BCL2L1: variants seen among roughly 807,000 people sequenced by gnomAD.
BCL2L1 encodes the protein bcl-2-like protein 1.
In BCL2L1, 1 loss-of-function variant was observed where a neutral mutation model predicts 18.7. The ratio of observed to expected loss-of-function variants is 0.05; its 90% CI spans 0.02 to 0.25. The LOEUF (loss-of-function observed/expected upper bound fraction) is 0.25. BCL2L1 is among the 10% of genes least tolerant of loss of function. The pLI, the probability that BCL2L1 is intolerant of heterozygous loss-of-function variation, is 1.00. For synonymous variants in BCL2L1, 103 were observed against 122.7 expected, an observed-to-expected ratio of 0.84 and a Z score of 1.06; for missense variants, 207 against 304.9, an observed-to-expected ratio of 0.68 and a Z score of 2.39.
chr20:31,719,208 C>G (rs568040693), intron 2 of BCL2L1, among the ~76,000 whole-genome samples: 1 of 152,332 alleles, frequency 6.6e-6, no homozygotes, highest in African/African-American at 2.4e-5. Flanking sequence ...TCAAGAAACA[C>G]TGGTTGCATA....
chr20:31,687,145 T>C (rs951755036), intron 2 of BCL2L1, among the ~76,000 whole-genome samples: 3 of 151,972 alleles, frequency 2.0e-5, no homozygotes, highest in African/African-American at 4.8e-5. Context: ...CAACAAGACC[T>C]CCATCTCTAC....
At chr20:31,706,021 C>T (rs2061363910) in intron 2 of BCL2L1, among the ~76,000 whole-genome samples, 1 of 152,110 alleles carries the variant, frequency 6.6e-6, no homozygotes, top group Non-Finnish European at 1.5e-5. Context: ...CCTGGGACTT[C>T]CCTGACATGG....
At chr20:31,700,210 G>T (rs1417174916) in intron 2 of BCL2L1, among the ~76,000 whole-genome samples, 1 of 152,200 alleles carries the variant, frequency 6.6e-6, no homozygotes, top group Non-Finnish European at 1.5e-5. Context: ...CATAGTTGGT[G>T]CTCAATAAAC....
At chr20:31,692,993 C>A (rs2061103809) in intron 2 of BCL2L1, among the ~76,000 whole-genome samples, 1 of 149,940 alleles carries the variant, frequency 6.7e-6, no homozygotes, top group Non-Finnish European at 1.5e-5. Context: ...ACCGCTTGAA[C>A]CCAGGAGGCG....
intron 2 of BCL2L1, 136 bp downstream of exon 2, chr20:31,721,519 G>A: frequency 9.6e-7 from 1 of 1,041,966 alleles, no homozygotes; most frequent in Non-Finnish European, 1.4e-6. Context: ...GGTGAAATGA[G>A]GCCAGTCAGG....
Position 31,665,924 on chromosome 20 carries a change from G to T in BCL2L1, c.*25C>A. 6.2e-7 allele frequency: 1 copy of T among 1,610,744 alleles called. No homozygotes were observed. The highest frequency in any genetic ancestry group is 8.5e-7 in the Non-Finnish European group (1 of 1,178,718). On this transcript the variant is annotated 3_prime_UTR_variant, in exon 3 of 3. Coordinates refer to ENST00000307677, the MANE Select transcript of BCL2L1 (RefSeq NM_138578.3). ...GGTGGAGCAGAGAAGGGGGTGGGAGGGTAGAGTGGATGGTCAGTGTCTGGT... is the reference window on the plus strand; with the variant it reads ...GGTGGAGCAGAGAAGGGGGTGGGAGTGTAGAGTGGATGGTCAGTGTCTGGT...
chr20:31,687,609 G>A (rs1213638757), intron 2 of BCL2L1, among the ~76,000 whole-genome samples: 2 of 150,524 alleles, frequency 1.3e-5, no homozygotes, highest in Non-Finnish European at 3.0e-5. Context: ...CCCGGGAGTC[G>A]GAGGTTGCAG....
At chr20:31,721,476 G>A in intron 2 of BCL2L1, 179 bp downstream of exon 2, 1 of 702,172 alleles carries the variant, frequency 1.4e-6, no homozygotes, top group Non-Finnish European at 2.3e-6. Flanking sequence ...GAAGCACAGG[G>A]TCATTTGTAT....
intron 2 of BCL2L1, among the ~76,000 whole-genome samples, chr20:31,700,404 C>T (rs1232607500): frequency 1.3e-5 from 2 of 152,178 alleles, no homozygotes; most frequent in African/African-American, 4.8e-5. Flanking sequence ...TCCCTGGGCA[C>T]GACCTATCTA....
intron 2 of BCL2L1, among the ~76,000 whole-genome samples, chr20:31,671,705 C>A (rs538162772): frequency 6.6e-6 from 1 of 151,850 alleles, no homozygotes; most frequent in African/African-American, 2.4e-5. Context: ...CCTCCAATGG[C>A]GTGAAGTGAA....
intron 2 of BCL2L1, among the ~76,000 whole-genome samples, chr20:31,687,676 CAAAA>C (rs60094670): frequency 6.1e-5 from 5 of 81,496 alleles, no homozygotes; most frequent in Non-Finnish European, 5.1e-5. Context: ...GACTCTGTCT[CAAAA>C]AAAAAAAAAA....
intron 2 of BCL2L1, among the ~76,000 whole-genome samples, chr20:31,679,702 C>T (rs1328552641): frequency 1.3e-5 from 2 of 152,204 alleles, no homozygotes; most frequent in African/African-American, 2.4e-5. Context: ...CTGTCTCTGT[C>T]GCCCAGGCTG....
intron 2 of BCL2L1, among the ~76,000 whole-genome samples, chr20:31,689,791 G>A (rs1040710813): frequency 7.7e-4 from 118 of 152,338 alleles, no homozygotes; most frequent in African/African-American, 2.7e-3. Context: ...TGAGGCGGGC[G>A]GATCACTTGA....
Position 31,695,333 on chromosome 20 carries a change from C to T in BCL2L1, c.564+26322G>A, listed in dbSNP as rs146784523. On this transcript the variant is annotated intron_variant, in intron 2 of 2. Transcript: ENST00000307677. ...TTTCCACTGCCCTTAAAGCAAGGTC[C>T]CATGTGGCCCTACAAGACCTGGCCC... is the stretch of plus-strand genomic sequence containing the variant. Among the ~76,000 whole-genome samples the T allele has an allele frequency of 3.1e-3, 468 of 152,352 alleles. 1 individual carries two copies. Among genetic ancestry groups the T allele is most frequent in the Non-Finnish European group, 5.3e-3 (360 of 68,046 alleles).
chr20:31,693,063 C>A (rs1324138790), intron 2 of BCL2L1, among the ~76,000 whole-genome samples: 7 of 140,704 alleles, frequency 5.0e-5, no homozygotes, highest in Admixed American at 1.5e-4. Flanking sequence ...AAAGTGGGAC[C>A]GTCTCAAAAA....
chr20:31,714,830 T>C lies in BCL2L1; in HGVS notation c.564+6825A>G, dbSNP rs868365456. On this transcript the variant is annotated intron_variant, in intron 2 of 2. Coordinates refer to ENST00000307677, the MANE Select transcript of BCL2L1 (RefSeq NM_138578.3). ...TAGTTGAAAAATATGGTTTCCAGGA[T>C]GGCTGGACCCATCAATATACCATGT... Among the ~76,000 whole-genome samples the C allele has an allele frequency of 5.9e-5, 9 of 152,170 alleles. No homozygotes were observed. The South Asian group carries it at 1.0e-3, about 18-fold the overall frequency.
intron 2 of BCL2L1, among the ~76,000 whole-genome samples, chr20:31,703,368 G>A (rs1242528297): frequency 2.0e-5 from 3 of 151,946 alleles, no homozygotes; most frequent in Admixed American, 6.6e-5. Flanking sequence ...TAGTAGAGAC[G>A]GGGTTGCATC....
At position 31,685,931 on chromosome 20, in the gene BCL2L1, G is replaced by A. The variant is rs75462334; in HGVS notation, c.565-19845C>T. ...AAAAGTGCAGTGAACAGGTACTCTA[G>A]GAGGCCTTTGGCATTATTATTATGC... On this transcript the variant is annotated intron_variant, in intron 2 of 2. Transcript: ENST00000307677. Among the ~76,000 whole-genome samples the A allele has an allele frequency of 3.9e-5, 6 of 152,072 alleles. No individual in the cohort carries two copies. The South Asian group carries it at 1.0e-3, about 26-fold the overall frequency.
chr20:31,700,765 T>A (rs191401612), intron 2 of BCL2L1, among the ~76,000 whole-genome samples: 64 of 152,366 alleles, frequency 4.2e-4, no homozygotes, highest in African/African-American at 1.5e-3. Flanking sequence ...GTATATTATG[T>A]CTTTTCTCTC....
Sources: gnomAD v4.1 joint callset for allele counts (sites outside exome capture counted in the v4.1 genomes callset) on GRCh38, gnomAD v4.1.1 for gene constraint, MANE v1.5 for transcripts, NCBI Gene and HGNC (gene_info 2026-07-23, HGNC 2026-07-21) for gene names.